The following XPR1 variants were observed in gnomAD, a reference collection of about 807,000 sequenced individuals.
The protein encoded by XPR1 is solute carrier family 53 member 1.
Under a neutral mutation model 87.5 loss-of-function variants are expected in XPR1, and 28 were observed. The ratio of observed to expected loss-of-function variants is 0.32; its 90% CI spans 0.24 to 0.44. The LOEUF is 0.44. XPR1 is among the 20% of genes least tolerant of loss of function. The pLI is 1.00. For missense variants in XPR1, 559 were observed against 862.3 expected, an observed-to-expected ratio of 0.65 and a Z score of 4.41; for synonymous variants, 300 against 306.1, an observed-to-expected ratio of 0.98 and a Z score of 0.21.
chr1:180,856,656 T>C (rs1652043008), intron 11 of XPR1, among the ~76,000 whole-genome samples: 1 of 152,248 alleles, frequency 6.6e-6, no homozygotes, highest in African/African-American at 2.4e-5. Context: ...AACTAGGAGT[T>C]ATTTTTGACT....
At position 180,885,258 on chromosome 1, in the gene XPR1, T is replaced by C. The variant is rs1406673239; in HGVS notation, c.*1192T>C. On this transcript the variant is annotated 3_prime_UTR_variant, in exon 15 of 15. Transcript: ENST00000367590. ...TATATTTTTGAGCACATGGAACAAATTATACTTCCTCATTCATATTATGTT... is the reference window on the plus strand; with the variant it reads ...TATATTTTTGAGCACATGGAACAAACTATACTTCCTCATTCATATTATGTT... 1 of 152,630 alleles carries C rather than the reference T, an allele frequency of 6.6e-6. No individual in the cohort carries two copies. Among genetic ancestry groups the C allele is most frequent in the African/African-American group, 2.4e-5 (1 of 41,460 alleles). 9.5% of individuals were successfully genotyped at this position (152,630 alleles called of 1,614,324 possible). A position where few individuals can be genotyped will look rare whatever the true frequency, so the allele number is the denominator to read the frequency against.
chr1:180,860,447 G>A (rs79058629), intron 11 of XPR1, among the ~76,000 whole-genome samples: 147 of 152,230 alleles, frequency 9.7e-4, no homozygotes, highest in African/African-American at 3.2e-3. Flanking sequence ...ACTGAAAACA[G>A]TCTGTATGTT....
At position 180,712,103 on chromosome 1, in the gene XPR1, A is replaced by G. The variant is rs946988607; in HGVS notation, c.121+29692A>G. On this transcript the variant is annotated intron_variant, in intron 2 of 14. Transcript: ENST00000367590. ...TATTTTTCTATACATTTATACATAC[A>G]TATGATAAAGTTTAATTTCTAAATT... 2.0e-5 allele frequency among the ~76,000 whole-genome samples: 3 copies of G among 152,218 alleles called. No homozygotes were observed. The South Asian group carries it at 6.2e-4, about 31-fold the overall frequency.
intron 2 of XPR1, among the ~76,000 whole-genome samples, chr1:180,761,304 A>C (rs1432126714): frequency 6.6e-6 from 1 of 152,232 alleles, no homozygotes; most frequent in Non-Finnish European, 1.5e-5. Flanking sequence ...TCTGCACAGC[A>C]AAAGAAACTA....
intron 6 of XPR1, among the ~76,000 whole-genome samples, chr1:180,810,356 G>A (rs891706053): frequency 4.6e-5 from 7 of 152,088 alleles, no homozygotes; most frequent in African/African-American, 1.4e-4. Flanking sequence ...CAAGGCAAGT[G>A]GATTGCCTGA....
At chr1:180,842,572 C>T (rs1651553731) in intron 11 of XPR1, among the ~76,000 whole-genome samples, 1 of 152,184 alleles carries the variant, frequency 6.6e-6, no homozygotes, top group South Asian at 2.1e-4. Context: ...CATTTCATTA[C>T]ATGGCTAAAT....
chr1:180,812,305 A>G (rs1650246361), intron 7 of XPR1, among the ~76,000 whole-genome samples: 1 of 152,192 alleles, frequency 6.6e-6, no homozygotes, highest in Admixed American at 6.5e-5. Context: ...CTATCTAGGC[A>G]ATCTTATTCA....
At chr1:180,744,204 A>C (rs774516500) in intron 2 of XPR1, among the ~76,000 whole-genome samples, 1 of 151,942 alleles carries the variant, frequency 6.6e-6, no homozygotes, top group South Asian at 2.1e-4. Context: ...ATTTCTGTTG[A>C]TCTGTCTTCA....
chr1:180,876,803 A>G (rs995039881), intron 13 of XPR1, among the ~76,000 whole-genome samples: 8 of 152,252 alleles, frequency 5.3e-5, no homozygotes, highest in African/African-American at 1.7e-4. Context: ...GTGAAACACT[A>G]TAAACTTTCC....
At chr1:180,840,147 C>T (rs532988309) in intron 11 of XPR1, among the ~76,000 whole-genome samples, 8 of 149,740 alleles carry the variant, frequency 5.3e-5, no homozygotes, top group Admixed American at 2.0e-4. Flanking sequence ...GGCGTGAACC[C>T]GGGAAGCGGA....
chr1:180,705,769 A>G (rs3845407), intron 2 of XPR1, among the ~76,000 whole-genome samples: 52,581 of 152,020 alleles, frequency 0.35, 9,515 homozygotes, highest in Non-Finnish European at 0.39. Flanking sequence ...GGCAAAAAAA[A>G]GTTAGGTTAA....
chr1:180,747,024 TA>T (rs1647285662), intron 2 of XPR1, among the ~76,000 whole-genome samples: 1 of 152,196 alleles, frequency 6.6e-6, no homozygotes. Context: ...AATCATTTTT[TA>T]ATGTCAAATA....
chr1:180,884,139 A>G lies in XPR1; in HGVS notation c.*73A>G. ...CCTTTCCTCGACCAACGCAACCTCT[A>G]GTACCTTTCCAGCCGAAAACAGGAG... On this transcript the variant is annotated 3_prime_UTR_variant, in exon 15 of 15. Coordinates refer to ENST00000367590, the MANE Select transcript of XPR1 (RefSeq NM_004736.4). The G allele has an allele frequency of 4.9e-6, 7 of 1,414,704 alleles. No homozygotes were observed. Among genetic ancestry groups the G allele is most frequent in the Non-Finnish European group, 6.9e-6 (7 of 1,015,250 alleles). 87.6% of individuals were successfully genotyped at this position (1,414,704 alleles called of 1,614,324 possible).
At chr1:180,781,500 A>G (rs1286940582) in intron 2 of XPR1, among the ~76,000 whole-genome samples, 1 of 151,934 alleles carries the variant, frequency 6.6e-6, no homozygotes, top group Non-Finnish European at 1.5e-5. Flanking sequence ...TGATGACATT[A>G]TTAGTATAAA....
chr1:180,684,285 G>A (rs1275104479), intron 2 of XPR1, among the ~76,000 whole-genome samples: 4 of 152,190 alleles, frequency 2.6e-5, no homozygotes, highest in South Asian at 2.1e-4. Flanking sequence ...GTAGATATGC[G>A]GCATTATTTC....
intron 7 of XPR1, among the ~76,000 whole-genome samples, chr1:180,814,728 A>G (rs1039744247): frequency 1.3e-5 from 2 of 152,246 alleles, no homozygotes; most frequent in Admixed American, 1.3e-4. Flanking sequence ...ACTGCAAGAT[A>G]GAAGGTGTTA....
chr1:180,710,207 T>G (rs1182959622), intron 2 of XPR1, among the ~76,000 whole-genome samples: 1 of 151,870 alleles, frequency 6.6e-6, no homozygotes, highest in Non-Finnish European at 1.5e-5. Flanking sequence ...AATTTAGTTT[T>G]TTTTTTTTTT....
At chr1:180,659,392 CT>C (rs1486531421) in intron 1 of XPR1, among the ~76,000 whole-genome samples, 16 of 58,534 alleles carry the variant, frequency 2.7e-4, no homozygotes, top group Admixed American at 1.6e-3. Context: ...TCCTTCCTTC[CT>C]TCCTTCCTTC....
At chr1:180,639,978 A>C (rs1654914916) in intron 1 of XPR1, among the ~76,000 whole-genome samples, 1 of 152,202 alleles carries the variant, frequency 6.6e-6, no homozygotes, top group South Asian at 2.1e-4. Flanking sequence ...AATTAGCAGA[A>C]GTGTGGTAAG....
Sources: allele counts gnomAD v4.1 joint callset (sites outside exome capture counted in the v4.1 genomes callset), GRCh38; gene constraint gnomAD v4.1.1; transcripts MANE v1.5; gene names NCBI Gene and HGNC (gene_info 2026-07-23, HGNC 2026-07-21).